Variants in ADGRL1 observed in about 807,000 individuals in gnomAD.
The protein encoded by ADGRL1 is CIRL-1.
Under a neutral mutation model 148.9 loss-of-function variants are expected in ADGRL1, and 31 were observed. The observed-to-expected ratio is 0.21, with a 90% CI of 0.16 to 0.28. The LOEUF (loss-of-function observed/expected upper bound fraction) is 0.28. Ranked by LOEUF, ADGRL1 falls within the 10% of genes least tolerant of loss-of-function variation. The pLI, the probability that ADGRL1 is intolerant of heterozygous loss-of-function variation, is 1.00. For synonymous variants in ADGRL1, 937 were observed against 900.3 expected (o/e 1.04, Z -0.73); for missense variants, 1,521 against 2,058.8 (o/e 0.74, Z 5.05).
intron 1 of ADGRL1, among the ~76,000 whole-genome samples, chr19:14,194,149 C>T (rs1051976606): frequency 1.3e-5 from 2 of 152,192 alleles, no homozygotes; most frequent in Non-Finnish European, 2.9e-5. Flanking sequence ...GAGGCTGAGG[C>T]TGCAGTGACC....
At chr19:14,183,208 A>AGAGAGAGAGC (rs1006983351) in intron 2 of ADGRL1, among the ~76,000 whole-genome samples, 1 of 150,184 alleles carries the variant, frequency 6.7e-6, no homozygotes, top group Non-Finnish European at 1.5e-5. Flanking sequence ...AGAGAGAGAG[A>AGAGAGAGAGC]GAGAGAGAGC....
chr19:14,187,953 G>A (rs1237469699), intron 1 of ADGRL1, among the ~76,000 whole-genome samples: 2 of 152,008 alleles, frequency 1.3e-5, no homozygotes, highest in Non-Finnish European at 2.9e-5. Flanking sequence ...TGGCTGGCTT[G>A]GTACGGTGAC....
chr19:14,197,034 G>A (rs758406500), intron 1 of ADGRL1, among the ~76,000 whole-genome samples: 2 of 152,146 alleles, frequency 1.3e-5, no homozygotes, highest in African/African-American at 4.8e-5. Context: ...CTAGCACTTT[G>A]GGAGACCAAT....
intron 18 of ADGRL1, among the ~76,000 whole-genome samples, chr19:14,154,611 G>T (rs1968539387): frequency 6.6e-6 from 1 of 151,478 alleles, no homozygotes; most frequent in South Asian, 2.1e-4. Context: ...TGGTTTTTTT[G>T]TTTGTTTGTT....
At position 14,155,811 on chromosome 19, in the gene ADGRL1, TA is replaced by T. The variant is rs1345042260; in HGVS notation, c.3126-285del. On this transcript the variant is annotated intron_variant, in intron 17 of 22. Coordinates refer to ENST00000361434, the MANE Select transcript of ADGRL1 (RefSeq NM_014921.5). The surrounding 1 kb of genome is among the most constrained non-coding windows in gnomAD (Gnocchi z 5.0). ...TGCTAAATTTCCAGACCACTTAGGC[TA>T]TATTTGCTGCCTATTTCTCTTTAAG... 213 of 577,810 alleles carry T rather than the reference TA, an allele frequency of 3.7e-4. 1 individual carries two copies. The highest frequency in any genetic ancestry group is 5.2e-5 in the Non-Finnish European group (17 of 324,100). 35.8% of individuals were successfully genotyped at this position (577,810 alleles called of 1,614,324 possible).
Position 14,206,142 on chromosome 19 carries a change from C to T in ADGRL1, c.-253G>A, listed in dbSNP as rs562382133. The T allele has an allele frequency of 2.5e-4, 38 of 151,264 alleles. No homozygotes were observed. The highest frequency in any genetic ancestry group is 9.0e-4 in the African/African-American group (37 of 41,216). The allele number at this position is 151,264 out of a possible 1,614,324, so 9.4% of individuals were successfully genotyped here. A position where few individuals can be genotyped will look rare whatever the true frequency, so the allele number is the denominator to read the frequency against. On this transcript the variant is annotated 5_prime_UTR_variant, in exon 1 of 23. Coordinates refer to ENST00000361434, the MANE Select transcript of ADGRL1 (RefSeq NM_014921.5). ...CCTCCGTGTCCCTTCCTTCCCCTGG[C>T]CCAGCACCGCCGCCGACCAAAAATT...
In ADGRL1 at chr19:14,155,474, G is replaced by A. The variant is rs1476447013; in HGVS notation, c.3179C>T (p.Ala1060Val). 6.2e-7 allele frequency: 1 copy of A among 1,614,084 alleles called. No homozygotes were observed. The highest frequency in any genetic ancestry group is 1.1e-5 in the South Asian group (1 of 91,088). ...CTTGTTGATGAAGAGGAGGCCGAAA[G>A]CCCAGGTGAGGCCCAGCAGGAACAG... ...ALLFLLGLTW[A>V]FGLLFINKES... Residue 1060 changes from alanine to valine, a missense_variant, in exon 18 of 23, where the codon GCT becomes GTT. Physicochemically the swap from Ala to Val is moderately conservative, Grantham distance 64 (BLOSUM62 0). This residue lies in a region of ADGRL1 where 185 missense variants were observed against 251.7 expected (regional missense o/e 0.74). Coordinates refer to ENST00000361434, the MANE Select transcript of ADGRL1 (RefSeq NM_014921.5). This position sits in a 1 kb window ranked among gnomAD's most constrained non-coding sequence, Gnocchi z 5.0.
chr19:14,170,320 CAT>C (rs1970353888), intron 4 of ADGRL1: 1 of 173,460 alleles, frequency 5.8e-6, no homozygotes, highest in South Asian at 1.5e-4. Flanking sequence ...GGGAGAAAAG[CAT>C]AGAGGCCAAG....
At chr19:14,183,193 CAGAG>C (rs3837937) in intron 2 of ADGRL1, among the ~76,000 whole-genome samples, 40,220 of 145,314 alleles carry the variant, frequency 0.28, 5,395 homozygotes, top group South Asian at 0.38. Flanking sequence ...GATGTAATCA[CAGAG>C]AGAGAGAGAG....
At chr19:14,196,252 T>C (rs988603683) in intron 1 of ADGRL1, among the ~76,000 whole-genome samples, 1 of 152,210 alleles carries the variant, frequency 6.6e-6, no homozygotes, top group African/African-American at 2.4e-5. Context: ...AGTCAGCCGC[T>C]TCCCTCCTCT....
intron 1 of ADGRL1, among the ~76,000 whole-genome samples, chr19:14,203,471 G>A (rs1433895946): frequency 3.9e-5 from 6 of 152,172 alleles, no homozygotes; most frequent in Admixed American, 3.9e-4. Flanking sequence ...AGCCTGGCAG[G>A]GTAGGGAGGA....
rs746726083 is a variant in ADGRL1, at chr19:14,157,302, G to A, written c.2694C>T (p.Leu898=). ...NTIHKNLCIN[L]FLAELLFLVG... ...CCAGGAAGAGCAGCTCAGCCAGGAA[G>A]AGGTTGATGCACAGGTTCTTGTGGA... The change falls in exon 14 of 23, where the codon CTC becomes CTT. Residue 898 remains leucine, a synonymous_variant. Coordinates refer to ENST00000361434, the MANE Select transcript of ADGRL1 (RefSeq NM_014921.5). This position sits in a 1 kb window ranked among gnomAD's most constrained non-coding sequence, Gnocchi z 7.5. The A allele has an allele frequency of 6.2e-7, 1 of 1,614,194 alleles. No individual in the cohort carries two copies. The highest frequency in any genetic ancestry group is 1.1e-5 in the South Asian group (1 of 91,086).
Position 14,149,922 on chromosome 19 carries a change from C to CTTTTTTTTTTTTTT in ADGRL1, c.*937_*950dup, listed in dbSNP as rs71170598. The CTTTTTTTTTTTTTT allele has an allele frequency of 8.1e-6, 1 of 122,722 alleles. No homozygotes were observed. 7.6% of individuals were successfully genotyped at this position (122,722 alleles called of 1,614,324 possible). ...CAAGTGATGAGATTTTTTTTCTTTT[C>CTTTTTTTTTTTTTT]TTTTTTTTTTTTTTTGTCTTTTTTT... On this transcript the variant is annotated 3_prime_UTR_variant, in exon 23 of 23. Transcript: ENST00000361434.
At chr19:14,193,285 A>C (rs1184241461) in intron 1 of ADGRL1, among the ~76,000 whole-genome samples, 2 of 150,894 alleles carry the variant, frequency 1.3e-5, no homozygotes, top group Non-Finnish European at 3.0e-5. Context: ...AAAAAAAAAA[A>C]AAAAAAAACT....
chr19:14,203,379 C>G (rs933986701), intron 1 of ADGRL1, among the ~76,000 whole-genome samples: 1 of 152,120 alleles, frequency 6.6e-6, no homozygotes, highest in African/African-American at 2.4e-5. Flanking sequence ...CCACTCCTCC[C>G]GTTCCTCTTG....
intron 1 of ADGRL1, among the ~76,000 whole-genome samples, chr19:14,188,998 C>G (rs565576119): frequency 1.3e-5 from 2 of 152,072 alleles, no homozygotes; most frequent in Non-Finnish European, 2.9e-5. Flanking sequence ...GTGATCCACC[C>G]GCCTCGGCCT....
chr19:14,178,912 G>A lies in ADGRL1; in HGVS notation c.71-1168C>T, dbSNP rs144385332. 8.8e-3 allele frequency among the ~76,000 whole-genome samples: 1,341 copies of A among 152,210 alleles called. 22 individuals carry two copies. Among genetic ancestry groups the A allele is most frequent in the African/African-American group, 0.031 (1,278 of 41,528 alleles). ...TATAAGCCAAGGAGAGGCCAGGCGC[G>A]GTGGCTCACACCTGTAATCCCCGCA... On this transcript the variant is annotated intron_variant, in intron 2 of 22. Coordinates refer to ENST00000361434, the MANE Select transcript of ADGRL1 (RefSeq NM_014921.5).
Position 14,160,142 on chromosome 19 carries a change from C to G in ADGRL1, c.1770G>C (p.Glu590Asp), listed in dbSNP as rs772726283. 6.3e-7 allele frequency: 1 copy of G among 1,589,570 alleles called. No homozygotes were observed. The highest frequency in any genetic ancestry group is 1.1e-5 in the South Asian group (1 of 90,520). ...DAQLQALRPI[E>D]RESAGKNYNK... ...TGTAGTTCTTGCCGGCTGACTCGCG[C>G]TCGATGGGCCGCAGGGCCTGCAGCT... Residue 590 changes from glutamate (E) to aspartate (D), a missense_variant, in exon 8 of 23, where the codon GAG (glutamate) becomes GAC (aspartate). Around this residue, in one of 8 missense-constraint regions of ADGRL1, gnomAD observed 265 missense variants for 431.9 expected, o/e 0.61. Transcript: ENST00000361434. The surrounding 1 kb of genome is among the most constrained non-coding windows in gnomAD (Gnocchi z 5.9).
chr19:14,171,952 T>A (rs144635300), intron 3 of ADGRL1, among the ~76,000 whole-genome samples: 2,445 of 152,030 alleles, frequency 0.016, 27 homozygotes, highest in Non-Finnish European at 0.02. Flanking sequence ...TCCCGACAGG[T>A]ATGGGGCAGA....
Sources: gnomAD v4.1 joint callset for allele counts (sites outside exome capture counted in the v4.1 genomes callset) on GRCh38, gnomAD v4.1.1 for gene constraint, gnomAD v4.1.1 regional missense constraint, Gnocchi (gnomAD v3.1) non-coding constraint, MANE v1.5 for transcripts, NCBI Gene and HGNC (gene_info 2026-07-23, HGNC 2026-07-21) for gene names.